Variants in TFEC observed in about 807,000 individuals in gnomAD.
TFEC encodes the protein transcription factor EC.
TFEC carries 31 observed loss-of-function variants against 41.6 expected under a neutral mutation model. That is an observed-to-expected ratio of 0.74 (90% confidence interval 0.56 to 1.01). The LOEUF is 1.01. Ranked by LOEUF, TFEC falls within the 50% of genes least tolerant of loss-of-function variation. The probability of loss-of-function intolerance (pLI) is 0.00; values close to 1 mark genes in which losing one functional copy is unlikely to be tolerated. For synonymous variants in TFEC, 143 were observed against 140.6 expected (o/e 1.02, Z -0.12); for missense variants, 402 against 404.1 (o/e 0.99, Z 0.04).
At chr7:115,971,020 A>G (rs1033054362) in intron 3 of TFEC, among the ~76,000 whole-genome samples, 12 of 152,020 alleles carry the variant, frequency 7.9e-5, no homozygotes, top group Non-Finnish European at 1.5e-4. Flanking sequence ...TTATTGGTAA[A>G]TATTCTCATT....
chr7:115,953,333 T>C (rs1272021148), intron 5 of TFEC, among the ~76,000 whole-genome samples: 2 of 152,118 alleles, frequency 1.3e-5, no homozygotes, highest in Non-Finnish European at 2.9e-5. Flanking sequence ...GGACTTACTT[T>C]GTAATTTTGC....
In TFEC at chr7:115,937,760, C is replaced by T. The variant is rs182258050; in HGVS notation, c.*2791G>A. 2.9e-4 allele frequency: 44 copies of T among 151,606 alleles called. 1 individual carries two copies. In the East Asian group the frequency reaches 8.0e-3, roughly 28 times the overall value. The allele number at this position is 151,606 out of a possible 1,614,324, so 9.4% of individuals were successfully genotyped here. On this transcript the variant is annotated 3_prime_UTR_variant, in exon 8 of 8. Transcript: ENST00000265440. ...CCCCATTGTTATACATGACATTAAC[C>T]GCACACCTAAGAGACCTGATTCAGG... is the stretch of plus-strand genomic sequence containing the variant.
intron 3 of TFEC, among the ~76,000 whole-genome samples, chr7:116,067,533 C>T (rs1796723514): frequency 2.0e-5 from 3 of 152,020 alleles, no homozygotes; most frequent in Admixed American, 2.0e-4. Flanking sequence ...GGTTTTCACT[C>T]TGTATTGCAT....
At chr7:116,109,776 G>A (rs1264047058) in intron 3 of TFEC, among the ~76,000 whole-genome samples, 3 of 152,126 alleles carry the variant, frequency 2.0e-5, no homozygotes, top group Non-Finnish European at 2.9e-5. Context: ...ACATGCACAC[G>A]TATGTTTATT....
intron 3 of TFEC, among the ~76,000 whole-genome samples, chr7:116,067,677 T>A (rs1453349071): frequency 6.6e-6 from 1 of 152,002 alleles, no homozygotes; most frequent in East Asian, 1.9e-4. Flanking sequence ...TATTGAGATC[T>A]ACTATGTGAA....
chr7:116,121,190 T>C (rs1428254364), intron 1 of TFEC, among the ~76,000 whole-genome samples: 1 of 152,008 alleles, frequency 6.6e-6, no homozygotes, highest in Non-Finnish European at 1.5e-5. Context: ...ATGAGGTATA[T>C]ACCCTCAATG....
Position 116,152,765 on chromosome 7 carries a change from G to C in TFEC, c.-69+7025C>G, listed in dbSNP as rs569343403. 2.0e-5 allele frequency among the ~76,000 whole-genome samples: 3 copies of C among 152,200 alleles called. 1 individual carries two copies. In the South Asian group the frequency reaches 6.2e-4, roughly 32 times the overall value. ...AAATATGTTTCTGAGCGACTTAATT[G>C]CATCCTAGAGCAAAGCTCAAAAATA... On this transcript the variant is annotated intron_variant, in intron 1 of 8. Transcript: ENST00000484212.
intron 3 of TFEC, among the ~76,000 whole-genome samples, chr7:116,047,390 G>GCTCACTCACTGCTCACCCAC: frequency 6.6e-6 from 1 of 152,290 alleles, no homozygotes; most frequent in Middle Eastern, 3.4e-3. Flanking sequence ...CACCCACAGA[G>GCTCACTCACTGCTCACCCAC]ACTCGCTCAC....
chr7:116,053,261 C>T (rs750441594), intron 3 of TFEC, among the ~76,000 whole-genome samples: 3 of 151,976 alleles, frequency 2.0e-5, no homozygotes, highest in Non-Finnish European at 2.9e-5. Flanking sequence ...GCAGTAAGGA[C>T]GAATTTGAGG....
At chr7:115,956,111 A>C (rs1202988580) in intron 4 of TFEC, among the ~76,000 whole-genome samples, 2 of 151,952 alleles carry the variant, frequency 1.3e-5, no homozygotes, top group Non-Finnish European at 2.9e-5. Context: ...TTCCTCATTT[A>C]TTTTGGAAGA....
intron 3 of TFEC, among the ~76,000 whole-genome samples, chr7:116,057,616 T>C (rs375970130): frequency 1.3e-5 from 2 of 152,002 alleles, no homozygotes; most frequent in South Asian, 2.1e-4. Flanking sequence ...TTTTTAAAAA[T>C]TATTTAAGTA....
At chr7:116,023,539 A>G (rs1795477763) in intron 1 of TFEC, among the ~76,000 whole-genome samples, 1 of 152,304 alleles carries the variant, frequency 6.6e-6, no homozygotes. Flanking sequence ...CTGAAGGAGC[A>G]TGAATGAATT....
At chr7:116,106,750 G>A (rs1584523844) in intron 3 of TFEC, among the ~76,000 whole-genome samples, 1 of 152,138 alleles carries the variant, frequency 6.6e-6, no homozygotes, top group African/African-American at 2.4e-5. Context: ...AAAAATCTCA[G>A]CTTTTTGAGG....
intron 3 of TFEC, among the ~76,000 whole-genome samples, chr7:116,061,323 CT>C (rs1374968471): frequency 6.6e-6 from 1 of 152,004 alleles, no homozygotes; most frequent in African/African-American, 2.4e-5. Flanking sequence ...ATATGGACAA[CT>C]GATTTTGACC....
chr7:115,984,230 G>A (rs764323882), intron 2 of TFEC, 32 bp downstream of exon 2: 1 of 1,598,066 alleles, frequency 6.3e-7, no homozygotes, highest in East Asian at 2.2e-5. Context: ...AAAAACTGAT[G>A]ATATATTTTT....
At chr7:115,941,071 C>A in intron 7 of TFEC, 140 bp from the exon 8 acceptor site, 6 of 811,744 alleles carry the variant, frequency 7.4e-6, no homozygotes, top group South Asian at 2.5e-5. Flanking sequence ...ATAATCTTTG[C>A]AAATAATGAA....
chr7:115,958,765 T>C (rs1255020879), intron 3 of TFEC, among the ~76,000 whole-genome samples: 1 of 152,030 alleles, frequency 6.6e-6, no homozygotes, highest in East Asian at 1.9e-4. Context: ...GTCTAATTTA[T>C]GCCCTAAAGC....
chr7:115,945,501 A>G (rs961660091), intron 6 of TFEC, among the ~76,000 whole-genome samples: 1 of 151,736 alleles, frequency 6.6e-6, no homozygotes, highest in Admixed American at 6.6e-5. Flanking sequence ...CAGCAAGCCA[A>G]GGAATAAAAT....
chr7:115,967,346 G>A (rs915235696), intron 3 of TFEC, among the ~76,000 whole-genome samples: 1 of 151,598 alleles, frequency 6.6e-6, no homozygotes, highest in Non-Finnish European at 1.5e-5. Flanking sequence ...CCCTAAGATG[G>A]TAAAAGATTA....
Sources: allele counts gnomAD v4.1 joint callset (sites outside exome capture counted in the v4.1 genomes callset), GRCh38; gene constraint gnomAD v4.1.1; transcripts MANE v1.5; gene names NCBI Gene and HGNC (gene_info 2026-07-23, HGNC 2026-07-21).